Variants in SP4 observed in about 807,000 individuals in gnomAD.
SP4 encodes Sp4 transcription factor, also known as transcription factor Sp4.
In SP4, 19 loss-of-function variants were observed where a neutral mutation model predicts 72.8. The ratio of observed to expected loss-of-function variants is 0.26; its 90% CI spans 0.18 to 0.38. The LOEUF (loss-of-function observed/expected upper bound fraction) is 0.38, where lower values mean the gene tolerates loss of function less well. Among genes scored for constraint, SP4 ranks in the 10% least tolerant of loss-of-function variants. The pLI is 1.00. For synonymous variants in SP4, 395 were observed against 333.1 expected (o/e 1.19, Z -2.02); for missense variants, 1,008 against 926.3 (o/e 1.09, Z -1.14).
intron 3 of SP4, among the ~76,000 whole-genome samples, chr7:21,455,720 T>G (rs1783742825): frequency 6.6e-6 from 1 of 152,192 alleles, no homozygotes; most frequent in African/African-American, 2.4e-5. Context: ...GTTCTAATGG[T>G]AATCTGTTAG....
chr7:21,487,530 T>A (rs1784853021), intron 5 of SP4, among the ~76,000 whole-genome samples: 1 of 152,098 alleles, frequency 6.6e-6, no homozygotes, highest in African/African-American at 2.4e-5. Flanking sequence ...TGCATTTTAA[T>A]TTCCAATAGT....
chr7:21,507,572 T>G (rs1782030811), intron 5 of SP4, among the ~76,000 whole-genome samples: 1 of 152,180 alleles, frequency 6.6e-6, no homozygotes, highest in African/African-American at 2.4e-5. Context: ...GCTAATTCCT[T>G]GATCCAGCAG....
chr7:21,491,634 TGAAA>T (rs1299545121), intron 5 of SP4, among the ~76,000 whole-genome samples: 1 of 152,150 alleles, frequency 6.6e-6, no homozygotes. Flanking sequence ...TAAAAAATCT[TGAAA>T]GAAGCCAGAA....
In SP4 at chr7:21,502,053, C is replaced by CT. The variant is rs1374035607; in HGVS notation, c.2108-8969_2108-8968insT. Among the ~76,000 whole-genome samples, 6 of 125,530 alleles carry CT rather than the reference C, an allele frequency of 4.8e-5. No individual in the cohort carries two copies. In the East Asian group the frequency reaches 1.3e-3, roughly 26 times the overall value. 82.4% of individuals were successfully genotyped at this position (125,530 alleles called of 152,430 possible). On this transcript the variant is annotated intron_variant, in intron 5 of 5. Coordinates refer to ENST00000222584, the MANE Select transcript of SP4 (RefSeq NM_003112.5). ...AATTCATTAGGCACCCCCCCCCCCC[C>CT]GGAACTCCTATAGAGTTAACATATA... is the stretch of plus-strand genomic sequence containing the variant.
chr7:21,454,623 G>T (rs1401037338), intron 3 of SP4, among the ~76,000 whole-genome samples: 1 of 152,204 alleles, frequency 6.6e-6, no homozygotes, highest in Non-Finnish European at 1.5e-5. Context: ...TGAAGGGGGA[G>T]CAGATGAGGT....
chr7:21,435,398 G>A (rs141558175), intron 3 of SP4, among the ~76,000 whole-genome samples: 1 of 152,130 alleles, frequency 6.6e-6, no homozygotes, highest in East Asian at 1.9e-4. Context: ...GTAAAAATAG[G>A]TACCAAAGAA....
At position 21,513,521 on chromosome 7, in the gene SP4, A is replaced by T. The variant is rs996217654; in HGVS notation, c.*2252A>T. On this transcript the variant is annotated 3_prime_UTR_variant, in exon 6 of 6. Transcript: ENST00000222584. ...GTAGTGTTCATTTTAATTTTATTAT[A>T]TAGGAGCTGAAACATCAAATATATA... 2.8e-4 allele frequency: 43 copies of T among 152,046 alleles called. No individual in the cohort carries two copies. The highest frequency in any genetic ancestry group is 8.8e-4 in the African/African-American group (36 of 40,936). The allele number at this position is 152,046 out of a possible 1,614,324, so 9.4% of individuals were successfully genotyped here. A position where few individuals can be genotyped will look rare whatever the true frequency, so the allele number is the denominator to read the frequency against.
chr7:21,466,663 A>G (rs1047324142), intron 3 of SP4, among the ~76,000 whole-genome samples: 4 of 152,222 alleles, frequency 2.6e-5, no homozygotes, highest in African/African-American at 4.8e-5. Context: ...TAAGAGATAC[A>G]GAAGGTACTC....
rs768352249 is a variant in SP4 at position 21,511,441 on chromosome 7, T to C, written c.*172T>C. The C allele has an allele frequency of 8.0e-4, 503 of 625,494 alleles. 1 individual carries two copies. Among genetic ancestry groups the C allele is most frequent in the Admixed American group, 1.7e-3 (55 of 31,570 alleles). 38.7% of individuals were successfully genotyped at this position (625,494 alleles called of 1,614,324 possible). On this transcript the variant is annotated 3_prime_UTR_variant, in exon 6 of 6. Transcript: ENST00000222584. The stretch of plus-strand genomic sequence containing the variant: ...ACGTGAAGTGTTGAATTTTAAAAAA[T>C]ACAAAAAGCAGACTGATGTACTGGA...
At chr7:21,449,371 C>T (rs1562594029) in intron 3 of SP4, among the ~76,000 whole-genome samples, 1 of 152,170 alleles carries the variant, frequency 6.6e-6, no homozygotes, top group East Asian at 1.9e-4. Context: ...CAGTGGCAAT[C>T]AATTTTCTAT....
chr7:21,509,220 G>A (rs371301049), intron 5 of SP4, among the ~76,000 whole-genome samples: 2 of 152,138 alleles, frequency 1.3e-5, no homozygotes, highest in South Asian at 4.1e-4. Flanking sequence ...TAGGGGTATA[G>A]CAGGTAAAAG....
chr7:21,479,066 T>TC, intron 4 of SP4, among the ~76,000 whole-genome samples: 1 of 146,440 alleles, frequency 6.8e-6, no homozygotes, highest in South Asian at 2.1e-4. Flanking sequence ...AAACTCCATC[T>TC]CAAAAAAAAA....
chr7:21,428,188 G>GGCCCCCCCCCCCCCCCCC lies in SP4; in HGVS notation c.-64_-63insGCCCCCCCCCCCCCCCCC. 2 of 371,886 alleles carry GGCCCCCCCCCCCCCCCCC rather than the reference G, an allele frequency of 5.4e-6. No individual in the cohort carries two copies. Among genetic ancestry groups the GGCCCCCCCCCCCCCCCCC allele is most frequent in the East Asian group, 6.6e-5 (1 of 15,052 alleles). The allele number at this position is 371,886 out of a possible 1,614,324, so 23.0% of individuals were successfully genotyped here. ...CGGGACCGGCCTCTCCTCCCGCCTC[G>GGCCCCCCCCCCCCCCCCC]CCCCCACCCCCACCCACCTCTATCC... On this transcript the variant is annotated 5_prime_UTR_variant, in exon 1 of 6. Transcript: ENST00000222584.
chr7:21,511,354 C>A lies in SP4; in HGVS notation c.*85C>A. Reference sequence around the variant, plus strand: ...GGAAATGGGCTGGTCAAGTGGATTACAGAGTAGGAAATTATGTTTTCATTC... The same window carrying A: ...GGAAATGGGCTGGTCAAGTGGATTAAAGAGTAGGAAATTATGTTTTCATTC... On this transcript the variant is annotated 3_prime_UTR_variant, in exon 6 of 6. Transcript: ENST00000222584. 7.6e-7 allele frequency: 1 copy of A among 1,324,454 alleles called. No individual in the cohort carries two copies. Among genetic ancestry groups the A allele is most frequent in the Non-Finnish European group, 1.0e-6 (1 of 958,982 alleles). 82.0% of individuals were successfully genotyped at this position (1,324,454 alleles called of 1,614,324 possible).
At chr7:21,489,346 G>A (rs1784906967) in intron 5 of SP4, among the ~76,000 whole-genome samples, 1 of 151,938 alleles carries the variant, frequency 6.6e-6, no homozygotes, top group Non-Finnish European at 1.5e-5. Flanking sequence ...TGTTGTTGTT[G>A]CTGAGACCAT....
intron 1 of SP4, 87 bp downstream of exon 1, chr7:21,428,345 C>G (rs927398481): frequency 1.4e-6 from 1 of 731,956 alleles, no homozygotes; most frequent in African/African-American, 1.7e-5. Flanking sequence ...CCCCCCTCCC[C>G]CGGGGCCGCT....
chr7:21,479,062 C>G (rs1006954239), intron 4 of SP4, among the ~76,000 whole-genome samples: 1 of 147,500 alleles, frequency 6.8e-6, no homozygotes, highest in African/African-American at 2.5e-5. Flanking sequence ...AGCGAAACTC[C>G]ATCTCAAAAA....
chr7:21,437,354 T>C (rs1036548049), intron 3 of SP4, among the ~76,000 whole-genome samples: 9 of 152,328 alleles, frequency 5.9e-5, no homozygotes, highest in African/African-American at 2.2e-4. Flanking sequence ...AATGTTAACA[T>C]AATTTATCTT....
At chr7:21,478,263 A>G (rs890125827) in intron 4 of SP4, among the ~76,000 whole-genome samples, 2 of 152,216 alleles carry the variant, frequency 1.3e-5, no homozygotes, top group Non-Finnish European at 2.9e-5. Context: ...TTATCCTGTC[A>G]ATTGAAGGAC....
Sources: allele counts gnomAD v4.1 joint callset (sites outside exome capture counted in the v4.1 genomes callset), GRCh38; gene constraint gnomAD v4.1.1; transcripts MANE v1.5; gene names NCBI Gene and HGNC (gene_info 2026-07-23, HGNC 2026-07-21).